Variants in PGBD5 observed in about 807,000 individuals in gnomAD.
The protein encoded by PGBD5 is piggyBac transposable element-derived protein 5.
Under a neutral mutation model 47.9 loss-of-function variants are expected in PGBD5, and 14 were observed. That is an observed-to-expected ratio of 0.29 (90% CI 0.19 to 0.46). PGBD5 has a LOEUF of 0.46. Among genes scored for constraint, PGBD5 ranks in the 20% least tolerant of loss-of-function variants. The pLI is 1.00. For missense variants in PGBD5, 635 were observed against 716.0 expected, an observed-to-expected ratio of 0.89 and a Z score of 1.29; for synonymous variants, 316 against 306.3, an observed-to-expected ratio of 1.03 and a Z score of -0.33.
intron 1 of PGBD5, among the ~76,000 whole-genome samples, chr1:230,416,289 TA>T (rs1657511295): frequency 6.6e-6 from 1 of 152,196 alleles, no homozygotes; most frequent in African/African-American, 2.4e-5. Flanking sequence ...GCTGCCCCAT[TA>T]ACTCTTCCAC....
At chr1:230,405,156 C>T (rs1447297901) in intron 1 of PGBD5, among the ~76,000 whole-genome samples, 2 of 149,214 alleles carry the variant, frequency 1.3e-5, no homozygotes, top group African/African-American at 4.9e-5. Context: ...GATTGCGCTA[C>T]TGCACTCCAG....
At chr1:230,371,020 G>A (rs1667920095) in intron 1 of PGBD5, among the ~76,000 whole-genome samples, 1 of 152,118 alleles carries the variant, frequency 6.6e-6, no homozygotes, top group African/African-American at 2.4e-5. Context: ...GGCACTCATA[G>A]ACCCTCTCCA....
intron 1 of PGBD5, among the ~76,000 whole-genome samples, chr1:230,373,517 T>A (rs1382252407): frequency 6.6e-6 from 1 of 152,132 alleles, no homozygotes. Flanking sequence ...ACACTGTTTC[T>A]CCCCAAACAT....
At chr1:230,338,538 G>A (rs569160118) in intron 3 of PGBD5, among the ~76,000 whole-genome samples, 1 of 152,314 alleles carries the variant, frequency 6.6e-6, no homozygotes, top group South Asian at 2.1e-4. Flanking sequence ...GGTGGCTCAC[G>A]CCTGTAATCC....
intron 1 of PGBD5, among the ~76,000 whole-genome samples, chr1:230,381,916 A>C (rs1350016189): frequency 6.6e-6 from 1 of 152,110 alleles, no homozygotes; most frequent in Non-Finnish European, 1.5e-5. Context: ...ACTCTCACAG[A>C]GATGGCAAAA....
intron 1 of PGBD5, among the ~76,000 whole-genome samples, chr1:230,413,739 G>A (rs1657460223): frequency 6.6e-6 from 1 of 152,110 alleles, no homozygotes; most frequent in African/African-American, 2.4e-5. Context: ...TTAGGACCTA[G>A]GACAACCTGC....
rs778271334 is a variant in PGBD5, at chr1:230,337,157, C to T, written c.1026G>A (p.Thr342=). 11 of 1,614,066 alleles carry T rather than the reference C, an allele frequency of 6.8e-6. No individual in the cohort carries two copies. Among genetic ancestry groups the T allele is most frequent in the African/African-American group, 2.7e-5 (2 of 74,932 alleles). Residue 342 remains threonine, a synonymous_variant, in exon 4 of 7, where the codon ACG becomes ACA. Transcript: ENST00000391860. ...GCGTCAGGCTGGTGATGCTGGGCCC[C>T]GTGAAAATGATGTAGTTCTTGCCTG... ...NAAGKNYIIF[T]GPSITSLTLF... is the part of the protein sequence containing the mutation.
At chr1:230,417,934 T>G (rs192254315) in intron 1 of PGBD5, among the ~76,000 whole-genome samples, 1 of 152,176 alleles carries the variant, frequency 6.6e-6, no homozygotes, top group South Asian at 2.1e-4. Context: ...CTTCCTAAAG[T>G]AGTGGTTCTC....
intron 5 of PGBD5, among the ~76,000 whole-genome samples, chr1:230,331,257 C>G (rs557762953): frequency 6.6e-6 from 1 of 151,790 alleles, no homozygotes; most frequent in Non-Finnish European, 1.5e-5. Flanking sequence ...ACAAAAAATA[C>G]AAAAAAACAT....
chr1:230,383,305 C>G (rs1656557488), intron 1 of PGBD5, among the ~76,000 whole-genome samples: 1 of 151,872 alleles, frequency 6.6e-6, no homozygotes, highest in Non-Finnish European at 1.5e-5. Flanking sequence ...AACTACCGAG[C>G]TCAAGCAATC....
rs572493878 is a variant in PGBD5, at chr1:230,383,513, C to A, written c.332-26192G>T. Among the ~76,000 whole-genome samples the A allele has an allele frequency of 5.9e-5, 9 of 152,134 alleles. No homozygotes were observed. The South Asian group carries it at 1.9e-3, about 32-fold the overall frequency. ...CTAAATAGCTGGGATTATAGGTGCA[C>A]CACCAAGCCTGGCTTATTTTAAAAT... On this transcript the variant is annotated intron_variant, in intron 1 of 6. Transcript: ENST00000391860.
Position 230,323,397 on chromosome 1 carries a change from C to T in PGBD5, c.*28G>A. 1 of 1,602,246 alleles carries T rather than the reference C, an allele frequency of 6.2e-7. No individual in the cohort carries two copies. The highest frequency in any genetic ancestry group is 8.5e-7 in the Non-Finnish European group (1 of 1,174,268). ...AGGCTCTCCTCCTCCTCTTGCCCCT[C>T]CCTTGACCGAGTCCTGCGCCCCCAG... On this transcript the variant is annotated 3_prime_UTR_variant, in exon 7 of 7. Transcript: ENST00000391860. This position sits in a 1 kb window ranked among gnomAD's most constrained non-coding sequence, Gnocchi z 4.1.
intron 1 of PGBD5, among the ~76,000 whole-genome samples, chr1:230,368,373 G>A (rs955363910): frequency 6.6e-6 from 1 of 152,260 alleles, no homozygotes. Flanking sequence ...GTGCAAACAT[G>A]AAATTTTTAG....
At chr1:230,358,368 G>A (rs564614660) in intron 1 of PGBD5, among the ~76,000 whole-genome samples, 1 of 152,204 alleles carries the variant, frequency 6.6e-6, no homozygotes, top group Admixed American at 6.5e-5. Flanking sequence ...TTCATTTTCT[G>A]GTAAGTTGAG....
chr1:230,353,570 CTGAGTGTGTGAGG>C (rs1667590792), intron 2 of PGBD5, among the ~76,000 whole-genome samples: 1 of 152,056 alleles, frequency 6.6e-6, no homozygotes, highest in South Asian at 2.1e-4. Context: ...TGCGAGTGAG[CTGAGTGTGTGAGG>C]TGAGTGTGCT....
chr1:230,325,316 T>C lies in PGBD5; in HGVS notation c.1373A>G (p.Tyr458Cys). The C allele has an allele frequency of 1.9e-6, 3 of 1,612,420 alleles. No homozygotes were observed. The highest frequency in any genetic ancestry group is 2.5e-6 in the Non-Finnish European group (3 of 1,179,120). Residue 458 changes from tyrosine (Y) to cysteine (C), a missense_variant, in exon 6 of 7, where the codon TAC becomes TGC. Coordinates refer to ENST00000391860, the MANE Select transcript of PGBD5 (RefSeq NM_001258311.2). Reference sequence around the variant, plus strand: ...GAGGTGCCCAGCCACTTACTTGCTGTATTTGTCATCGTATCTGCAGATGTA... The same window carrying C: ...GAGGTGCCCAGCCACTTACTTGCTGCATTTGTCATCGTATCTGCAGATGTA... ...LSYICRYDDKYSKYFISHKPN... is the reference protein window; with the variant it reads ...LSYICRYDDKCSKYFISHKPN...
intron 3 of PGBD5, among the ~76,000 whole-genome samples, chr1:230,346,227 G>C (rs1667471177): frequency 6.6e-6 from 1 of 152,094 alleles, no homozygotes; most frequent in African/African-American, 2.4e-5. Context: ...TTTTTGTGGA[G>C]ACAGGGTTTT....
At chr1:230,409,435 C>T (rs1657368723) in intron 1 of PGBD5, among the ~76,000 whole-genome samples, 1 of 152,016 alleles carries the variant, frequency 6.6e-6, no homozygotes. Flanking sequence ...TCATAATAGC[C>T]AATAGGTGAA....
chr1:230,396,714 T>G (rs534569855), intron 1 of PGBD5, among the ~76,000 whole-genome samples: 2 of 151,726 alleles, frequency 1.3e-5, no homozygotes, highest in East Asian at 3.9e-4. Flanking sequence ...AAAACCATGG[T>G]GTCCGCCTGA....
Sources: allele counts gnomAD v4.1 joint callset (sites outside exome capture counted in the v4.1 genomes callset), GRCh38; gene constraint gnomAD v4.1.1; non-coding constraint Gnocchi (gnomAD v3.1); transcripts MANE v1.5; gene names NCBI Gene and HGNC (gene_info 2026-07-23, HGNC 2026-07-21).